ANKRD28: variants seen among roughly 807,000 people sequenced by gnomAD.
ANKRD28 encodes ankyrin repeat domain 28.
Under a neutral mutation model 126.5 loss-of-function variants are expected in ANKRD28, and 44 were observed. The ratio of observed to expected loss-of-function variants is 0.35; its 90% CI spans 0.27 to 0.45. The LOEUF (loss-of-function observed/expected upper bound fraction) is 0.45, where lower values mean the gene tolerates loss of function less well. Ranked by LOEUF, ANKRD28 falls within the 20% of genes least tolerant of loss-of-function variation. The pLI is 1.00. For synonymous variants in ANKRD28, 442 were observed against 468.5 expected, an observed-to-expected ratio of 0.94 and a Z score of 0.73; for missense variants, 1,110 against 1,316.6, an observed-to-expected ratio of 0.84 and a Z score of 2.43.
chr3:15,696,658 A>G (rs1436424842), intron 14 of ANKRD28, among the ~76,000 whole-genome samples: 1 of 152,116 alleles, frequency 6.6e-6, no homozygotes, highest in Admixed American at 6.5e-5. Flanking sequence ...ATTTTTCATC[A>G]TGAAGCTCAA....
At chr3:15,735,247 A>T (rs1008546860) in intron 6 of ANKRD28, among the ~76,000 whole-genome samples, 163 bp downstream of exon 6, 1 of 152,156 alleles carries the variant, frequency 6.6e-6, no homozygotes, top group Non-Finnish European at 1.5e-5. Flanking sequence ...AGTGTACTCC[A>T]AACCTCCCCC....
Position 15,854,793 on chromosome 3 carries a change from G to C in ANKRD28, c.27+4584C>G, listed in dbSNP as rs554854298. On this transcript the variant is annotated intron_variant, in intron 1 of 27. Transcript: ENST00000399451. The surrounding 1 kb of genome is among the most constrained non-coding windows in gnomAD (Gnocchi z 4.1). ...ACGCCAGGCATGGTGGCTCACGCCT[G>C]TAATCCCAGCACTTTGGGAGGCCAA... is the stretch of plus-strand genomic sequence containing the variant. Among the ~76,000 whole-genome samples, 1 of 152,230 alleles carries C rather than the reference G, an allele frequency of 6.6e-6. No homozygotes were observed. The highest frequency in any genetic ancestry group is 2.4e-5 in the African/African-American group (1 of 41,528).
At position 15,678,322 on chromosome 3, in the gene ANKRD28, T is replaced by A. The variant is rs772429036; in HGVS notation, c.2594A>T (p.His865Leu). The change falls in exon 24 of 28, where the codon CAT becomes CTT. Residue 865 changes from histidine (H) to leucine (L), a missense_variant. Physicochemically the swap from His to Leu is moderately conservative, Grantham distance 99. Transcript: ENST00000683139. ...TPLHAAAFTD[H>L]VECLQLLLSH... Reference sequence around the variant, plus strand: ...GAGCAGCAGCTGTAAACACTCTACATGGTCTGTGAAGGCGGCTGCATGGAG... The same window carrying A: ...GAGCAGCAGCTGTAAACACTCTACAAGGTCTGTGAAGGCGGCTGCATGGAG... The A allele has an allele frequency of 1.2e-6, 2 of 1,611,148 alleles. No individual in the cohort carries two copies. The highest frequency in any genetic ancestry group is 1.7e-6 in the Non-Finnish European group (2 of 1,178,872).
intron 2 of ANKRD28, among the ~76,000 whole-genome samples, chr3:15,780,284 A>G (rs1288025797): frequency 2.0e-5 from 3 of 152,162 alleles, no homozygotes; most frequent in African/African-American, 4.8e-5. Context: ...AACTATCTAA[A>G]AAGGAAATTA....
At chr3:15,775,751 T>C (rs1251560917) in intron 2 of ANKRD28, among the ~76,000 whole-genome samples, 1 of 152,182 alleles carries the variant, frequency 6.6e-6, no homozygotes, top group Non-Finnish European at 1.5e-5. Context: ...TTCCATTCCC[T>C]CTCTGGGTGC....
rs1419529178 is a variant in ANKRD28 at position 15,805,033 on chromosome 3, C to G, written c.28-9727G>C. 2.1e-5 allele frequency among the ~76,000 whole-genome samples: 3 copies of G among 145,428 alleles called. 1 individual carries two copies. Among genetic ancestry groups the G allele is most frequent in the Non-Finnish European group, 3.0e-5 (2 of 67,176 alleles). ...CATGTACTTACGTAGCAGGTACTTA[C>G]GAAAACAGAGTTTCACTGACTTTTC... On this transcript the variant is annotated intron_variant, in intron 1 of 27. Coordinates refer to the ANKRD28 transcript ENST00000399451.
chr3:15,699,740 T>C (rs1474422511), intron 14 of ANKRD28, among the ~76,000 whole-genome samples: 1 of 152,202 alleles, frequency 6.6e-6, no homozygotes, highest in African/African-American at 2.4e-5. Flanking sequence ...AAACAACAGA[T>C]GCTGGAGAGG....
At chr3:15,710,105 G>C (rs2072037890) in intron 12 of ANKRD28, among the ~76,000 whole-genome samples, 1 of 150,866 alleles carries the variant, frequency 6.6e-6, no homozygotes, top group African/African-American at 2.4e-5. Flanking sequence ...TGCAACCATA[G>C]CTAACGGCAG....
chr3:15,837,989 G>T (rs1483916595), intron 1 of ANKRD28, among the ~76,000 whole-genome samples: 2 of 149,972 alleles, frequency 1.3e-5, no homozygotes, highest in Non-Finnish European at 3.0e-5. Context: ...AGAATTTTAA[G>T]GGAATATTAT....
chr3:15,735,488 G>C lies in ANKRD28; in HGVS notation c.562C>G (p.Leu188Val), dbSNP rs1164477618. ...AFSGHGEMVK[L>V]LLSRGANINA... ...ATATTGGCACCTCTAGACAAGAGTAGTTTGACCATCTGGAATAGAAGTAAA... is the reference window on the plus strand; with the variant it reads ...ATATTGGCACCTCTAGACAAGAGTACTTTGACCATCTGGAATAGAAGTAAA... The change falls in exon 6 of 28, where the codon CTA becomes GTA. Residue 188 changes from leucine to valine, a missense_variant. Leu to Val is a conservative substitution (Grantham distance 32). Coordinates refer to ENST00000683139, the MANE Select transcript of ANKRD28 (RefSeq NM_001349278.2). The C allele has an allele frequency of 6.4e-7, 1 of 1,553,408 alleles. No homozygotes were observed. The highest frequency in any genetic ancestry group is 8.7e-7 in the Non-Finnish European group (1 of 1,147,688).
At chr3:15,744,501 G>C (rs2057345296) in intron 4 of ANKRD28, among the ~76,000 whole-genome samples, 2 of 140,598 alleles carry the variant, frequency 1.4e-5, no homozygotes, top group South Asian at 4.6e-4. Flanking sequence ...ACTTTTCATA[G>C]AGATGGGGTT....
At chr3:15,841,730 C>A (rs1296340662) in intron 1 of ANKRD28, among the ~76,000 whole-genome samples, 1 of 152,104 alleles carries the variant, frequency 6.6e-6, no homozygotes, top group African/African-American at 2.4e-5. Flanking sequence ...AAACTACAAT[C>A]ATCTCACCGC....
intron 6 of ANKRD28, 146 bp from the exon 7 acceptor site, chr3:15,724,670 G>A: frequency 1.3e-6 from 1 of 785,028 alleles, no homozygotes; most frequent in Non-Finnish European, 2.0e-6. Flanking sequence ...CTTGAGAGAG[G>A]ACAGAAGGAA....
intron 3 of ANKRD28, among the ~76,000 whole-genome samples, chr3:15,755,165 A>G (rs995014704): frequency 1.3e-5 from 2 of 152,166 alleles, no homozygotes; most frequent in Non-Finnish European, 2.9e-5. Context: ...AAAAAAAATC[A>G]TGCATTTCTT....
intron 3 of ANKRD28, among the ~76,000 whole-genome samples, chr3:15,755,355 T>C (rs185595113): frequency 6.6e-5 from 10 of 152,290 alleles, no homozygotes; most frequent in African/African-American, 2.4e-4. Context: ...AGAGCAGCAG[T>C]TGGCTGTGTT....
chr3:15,695,336 A>T (rs1352350086), intron 15 of ANKRD28, 122 bp from the exon 16 acceptor site: 1 of 695,708 alleles, frequency 1.4e-6, no homozygotes, highest in Non-Finnish European at 2.5e-6. Context: ...GCTCCAAAAA[A>T]TTAGGTGTTT....
At chr3:15,734,006 G>T (rs1214081970) in intron 6 of ANKRD28, among the ~76,000 whole-genome samples, 1 of 152,170 alleles carries the variant, frequency 6.6e-6, no homozygotes, top group Non-Finnish European at 1.5e-5. Context: ...ATATTATACA[G>T]TTGACCCTGG....
At chr3:15,762,699 T>C (rs1456025796) in intron 3 of ANKRD28, among the ~76,000 whole-genome samples, 1 of 152,134 alleles carries the variant, frequency 6.6e-6, no homozygotes, top group Non-Finnish European at 1.5e-5. Flanking sequence ...AGATAATTCC[T>C]GATATCAAGG....
chr3:15,719,628 G>A (rs1178911753), intron 8 of ANKRD28, among the ~76,000 whole-genome samples: 2 of 152,114 alleles, frequency 1.3e-5, no homozygotes, highest in African/African-American at 2.4e-5. Flanking sequence ...GAGTACAGTG[G>A]TGCGATCATA....
Sources: gnomAD v4.1 joint callset for allele counts (sites outside exome capture counted in the v4.1 genomes callset) on GRCh38, gnomAD v4.1.1 for gene constraint, Gnocchi (gnomAD v3.1) non-coding constraint, MANE v1.5 for transcripts, NCBI Gene and HGNC (gene_info 2026-07-23, HGNC 2026-07-21) for gene names.